SCEL: variants seen among roughly 807,000 people sequenced by gnomAD.
SCEL encodes sciellin.
In SCEL, 113 loss-of-function variants were observed where a neutral mutation model predicts 117.6. That is an observed-to-expected ratio of 0.96 (90% CI 0.83 to 1.12). The LOEUF (loss-of-function observed/expected upper bound fraction) is 1.12, where lower values mean the gene tolerates loss of function less well. Ranked by LOEUF, SCEL falls within the 50% of genes most tolerant of loss-of-function variation. The pLI, the probability that SCEL is intolerant of heterozygous loss-of-function variation, is 0.00. For missense variants in SCEL, 785 were observed against 810.8 expected (o/e 0.97, Z 0.39); for synonymous variants, 270 against 256.2 (o/e 1.05, Z -0.51).
chr13:77,557,259 G>A (rs2084716112), intron 3 of SCEL, among the ~76,000 whole-genome samples: 1 of 152,186 alleles, frequency 6.6e-6, no homozygotes, highest in African/African-American at 2.4e-5. Context: ...TTTGTTTTGA[G>A]CATTGCTTCT....
chr13:77,548,578 G>T (rs2084122640), intron 1 of SCEL, among the ~76,000 whole-genome samples: 1 of 152,232 alleles, frequency 6.6e-6, no homozygotes, highest in African/African-American at 2.4e-5. Context: ...GATATGGTTT[G>T]TCTCTGTGTC....
chr13:77,596,672 A>G (rs2087252259), intron 12 of SCEL, among the ~76,000 whole-genome samples: 1 of 143,720 alleles, frequency 7.0e-6, no homozygotes, highest in Admixed American at 7.2e-5. Flanking sequence ...TGAGGAAGGC[A>G]AGAGAGGTGG....
chr13:77,591,899 G>A (rs183172862), intron 11 of SCEL, among the ~76,000 whole-genome samples: 3 of 152,114 alleles, frequency 2.0e-5, no homozygotes, highest in Admixed American at 6.5e-5. Flanking sequence ...ATGTCGTCGG[G>A]GGGGAGGGTA....
In SCEL at chr13:77,613,326, A is replaced by C. The variant is rs1012404694; in HGVS notation, c.1388+385A>C. Among the ~76,000 whole-genome samples, 13 of 152,216 alleles carry C rather than the reference A, an allele frequency of 8.5e-5. No individual in the cohort carries two copies. In the South Asian group the frequency reaches 2.7e-3, roughly 32 times the overall value. Reference sequence around the variant, plus strand: ...GGATTAATATTTAAATGACTTGTGAAAAAACTGACAACATAATATTCTTAT... The same window carrying C: ...GGATTAATATTTAAATGACTTGTGACAAAACTGACAACATAATATTCTTAT... On this transcript the variant is annotated intron_variant, in intron 23 of 32. Coordinates refer to ENST00000349847, the MANE Select transcript of SCEL (RefSeq NM_144777.3).
At chr13:77,573,851 G>T (rs1478118608) in intron 9 of SCEL, among the ~76,000 whole-genome samples, 1 of 152,114 alleles carries the variant, frequency 6.6e-6, no homozygotes, top group East Asian at 1.9e-4. Flanking sequence ...TACATGAACT[G>T]CCATGTATGA....
chr13:77,588,111 A>G (rs74239791), intron 9 of SCEL, among the ~76,000 whole-genome samples: 8,631 of 152,144 alleles, frequency 0.057, 835 homozygotes, highest in East Asian at 0.44. Flanking sequence ...CTTCTGACAT[A>G]TATTTATTTG....
At chr13:77,546,988 T>C (rs906240519) in intron 1 of SCEL, among the ~76,000 whole-genome samples, 2 of 152,142 alleles carry the variant, frequency 1.3e-5, no homozygotes, top group Non-Finnish European at 2.9e-5. Flanking sequence ...ACTTCAATTG[T>C]AATAGTCAGA....
At chr13:77,607,946 A>G in intron 19 of SCEL, 110 bp from the exon 20 acceptor site, 1 of 739,004 alleles carries the variant, frequency 1.4e-6, no homozygotes, top group South Asian at 2.1e-5. Context: ...CATGATCTCA[A>G]TGAGTGTTTA....
chr13:77,602,587 G>A (rs1441974506), intron 16 of SCEL, 67 bp from the exon 17 acceptor site: 9 of 1,368,060 alleles, frequency 6.6e-6, no homozygotes, highest in Non-Finnish European at 9.4e-6. Flanking sequence ...GGACATTCTT[G>A]ATTATACAGA....
chr13:77,567,296 A>G (rs2085343466), intron 5 of SCEL, among the ~76,000 whole-genome samples: 1 of 152,118 alleles, frequency 6.6e-6, no homozygotes, highest in Non-Finnish European at 1.5e-5. Context: ...TCTACTAAAA[A>G]TACAACAATT....
At chr13:77,572,023 G>T in intron 8 of SCEL, 101 bp from the exon 9 acceptor site, 1 of 943,894 alleles carries the variant, frequency 1.1e-6, no homozygotes, top group South Asian at 1.4e-5. Flanking sequence ...CCAAGGTTTG[G>T]TATAATCTCA....
In SCEL at chr13:77,590,502, T is replaced by A. The variant is rs138197525; in HGVS notation, c.627-893T>A. ...AATTAAATCCCAATTTGAATAGAAT[T>A]GTTTTAAGGGGCTAAAATTAATTGG... On this transcript the variant is annotated intron_variant, in intron 10 of 32. Coordinates refer to ENST00000349847, the MANE Select transcript of SCEL (RefSeq NM_144777.3). Among the ~76,000 whole-genome samples the A allele has an allele frequency of 5.5e-3, 832 of 152,200 alleles. 8 individuals are homozygous for A. The highest frequency in any genetic ancestry group is 0.019 in the African/African-American group (778 of 41,526).
intron 28 of SCEL, among the ~76,000 whole-genome samples, chr13:77,630,991 A>C (rs998357491): frequency 3.9e-5 from 6 of 152,230 alleles, no homozygotes. Flanking sequence ...TTTTGGGTAC[A>C]TCAGAATCAC....
intron 8 of SCEL, among the ~76,000 whole-genome samples, chr13:77,570,414 T>C (rs995478576): frequency 1.3e-5 from 2 of 152,232 alleles, no homozygotes; most frequent in Non-Finnish European, 2.9e-5. Context: ...TGCAAGAATC[T>C]TTCCTCCGAC....
chr13:77,603,011 A>G, intron 17 of SCEL, 65 bp from the exon 18 acceptor site: 2 of 880,008 alleles, frequency 2.3e-6, no homozygotes, highest in Non-Finnish European at 3.5e-6. Context: ...TTGGGAATAC[A>G]GAAGATGTAT....
At chr13:77,628,867 CT>C (rs1183052389) in intron 28 of SCEL, among the ~76,000 whole-genome samples, 1 of 152,102 alleles carries the variant, frequency 6.6e-6, no homozygotes, top group Non-Finnish European at 1.5e-5. Flanking sequence ...AAAACATCTT[CT>C]TCCTTCTGTT....
chr13:77,603,275 CT>C, intron 18 of SCEL, 140 bp downstream of exon 18: 1 of 456,620 alleles, frequency 2.2e-6, no homozygotes, highest in Non-Finnish European at 3.9e-6. Context: ...ACCATCCCTC[CT>C]TATCCCCAAT....
intron 1 of SCEL, among the ~76,000 whole-genome samples, chr13:77,554,956 A>C (rs1213631941): frequency 6.6e-6 from 1 of 152,158 alleles, no homozygotes; most frequent in African/African-American, 2.4e-5. Flanking sequence ...CCCAGAGCTA[A>C]CTAAGGCACA....
intron 13 of SCEL, among the ~76,000 whole-genome samples, chr13:77,598,159 C>T (rs555731566): frequency 1.3e-5 from 2 of 152,122 alleles, no homozygotes; most frequent in African/African-American, 4.8e-5. Flanking sequence ...TGGGGTCTCA[C>T]TATGTTGCCC....
Sources: allele counts gnomAD v4.1 joint callset (sites outside exome capture counted in the v4.1 genomes callset), GRCh38; gene constraint gnomAD v4.1.1; transcripts MANE v1.5; gene names NCBI Gene and HGNC (gene_info 2026-07-23, HGNC 2026-07-21).